The following GALNT17 variants were observed in gnomAD, a reference collection of about 807,000 sequenced individuals.
The protein encoded by GALNT17 is polypeptide N-acetylgalactosaminyltransferase 17, also known as UDP-GalNAc:polypeptide N-acetylgalactosaminyltransferase-like 3.
GALNT17 carries 29 observed loss-of-function variants against 63.7 expected under a neutral mutation model. The ratio of observed to expected loss-of-function variants is 0.46; its 90% CI spans 0.34 to 0.62. GALNT17 has a LOEUF of 0.62. Among genes scored for constraint, GALNT17 ranks in the 20% least tolerant of loss-of-function variants. The pLI is 0.01. For missense variants in GALNT17, 603 were observed against 799.6 expected (o/e 0.75, Z 2.97); for synonymous variants, 305 against 318.3 (o/e 0.96, Z 0.45).
intron 6 of GALNT17, among the ~76,000 whole-genome samples, chr7:71,612,176 G>C (rs570457076): frequency 6.6e-6 from 1 of 152,202 alleles, no homozygotes; most frequent in Non-Finnish European, 1.5e-5. Flanking sequence ...AAAGGAATTT[G>C]AGGTCACACT....
chr7:71,193,035 G>T (rs541625542), intron 1 of GALNT17, among the ~76,000 whole-genome samples: 5 of 152,034 alleles, frequency 3.3e-5, no homozygotes, highest in African/African-American at 1.2e-4. Flanking sequence ...GTCTTTGAGA[G>T]AATGCATCTT....
Position 71,592,563 on chromosome 7 carries a change from C to CATAGCATACTAAAATAAAATAAAATAAAA in GALNT17, c.1080+21161_1080+21162insATAGCATACTAAAATAAAATAAAATAAAA, listed in dbSNP as rs373112898. Among the ~76,000 whole-genome samples the CATAGCATACTAAAATAAAATAAAATAAAA allele has an allele frequency of 4.4e-3, 306 of 69,878 alleles. 11 individuals are homozygous for CATAGCATACTAAAATAAAATAAAATAAAA. The highest frequency in any genetic ancestry group is 0.034 in the Admixed American group (212 of 6,272). The allele number at this position is 69,878 out of a possible 152,430, so 45.8% of individuals were successfully genotyped here. On this transcript the variant is annotated intron_variant, in intron 6 of 10. Transcript: ENST00000333538. Reference sequence around the variant, plus strand: ...AAATAAAATAGCATAGCATAGCATACTAAAATAAAATAAAATAAAATAAAA... The same window carrying CATAGCATACTAAAATAAAATAAAATAAAA: ...AAATAAAATAGCATAGCATAGCATACATAGCATACTAAAATAAAATAAAATAAAATAAAATAAAATAAAATAAAATAAAA...
intron 5 of GALNT17, among the ~76,000 whole-genome samples, chr7:71,507,632 C>T (rs1184310983): frequency 6.6e-6 from 1 of 152,194 alleles, no homozygotes; most frequent in Non-Finnish European, 1.5e-5. Flanking sequence ...CGCCACTGGG[C>T]CCTGAGCCAA....
chr7:71,237,071 T>G (rs1283665644), intron 1 of GALNT17, among the ~76,000 whole-genome samples: 5 of 152,154 alleles, frequency 3.3e-5, no homozygotes, highest in East Asian at 3.9e-4. Context: ...CATTCTTTTT[T>G]GGGGGTCCAG....
At chr7:71,691,912 CTT>C (rs1165427854) in intron 9 of GALNT17, among the ~76,000 whole-genome samples, 1 of 151,208 alleles carries the variant, frequency 6.6e-6, no homozygotes, top group Non-Finnish European at 1.5e-5. Context: ...CTCTTTCTCT[CTT>C]TCTTTTTTTC....
At position 71,299,200 on chromosome 7, in the gene GALNT17, C is replaced by T. The variant is rs137979915; in HGVS notation, c.239-36350C>T. 1.2e-3 allele frequency among the ~76,000 whole-genome samples: 184 copies of T among 152,288 alleles called. 1 individual carries two copies. The East Asian group carries it at 0.025, about 21-fold the overall frequency. ...GTATGTGTGGGACCAGCTGGTGGCC[C>T]GCCTTGACCCCCGGTGCAATCAGTT... On this transcript the variant is annotated intron_variant, in intron 1 of 10. Coordinates refer to ENST00000333538, the MANE Select transcript of GALNT17 (RefSeq NM_022479.3).
At chr7:71,608,146 T>C (rs943419035) in intron 6 of GALNT17, among the ~76,000 whole-genome samples, 1 of 152,176 alleles carries the variant, frequency 6.6e-6, no homozygotes, top group African/African-American at 2.4e-5. Flanking sequence ...TAATACCTCT[T>C]TTTACTCTCA....
At chr7:71,557,290 C>A (rs1789181134) in intron 5 of GALNT17, among the ~76,000 whole-genome samples, 1 of 152,172 alleles carries the variant, frequency 6.6e-6, no homozygotes, top group South Asian at 2.1e-4. Flanking sequence ...ATGCAAAAAT[C>A]TCAATACTCT....
At chr7:71,671,314 A>G (rs186422414) in intron 8 of GALNT17, among the ~76,000 whole-genome samples, 4 of 152,330 alleles carry the variant, frequency 2.6e-5, no homozygotes, top group Admixed American at 1.3e-4. Flanking sequence ...TAGCTCTGCA[A>G]TCGGGTTTTC....
chr7:71,299,450 A>G (rs1791153623), intron 1 of GALNT17, among the ~76,000 whole-genome samples: 1 of 152,150 alleles, frequency 6.6e-6, no homozygotes, highest in Admixed American at 6.5e-5. Flanking sequence ...AGATAAGGAA[A>G]CCGAGGCTGA....
chr7:71,293,367 C>T (rs1440326906), intron 1 of GALNT17, among the ~76,000 whole-genome samples: 3 of 152,152 alleles, frequency 2.0e-5, no homozygotes, highest in Admixed American at 2.0e-4. Flanking sequence ...CCAACCCTTA[C>T]CTTGTCTTTT....
chr7:71,375,376 G>A (rs1563045504), intron 2 of GALNT17, among the ~76,000 whole-genome samples: 1 of 152,124 alleles, frequency 6.6e-6, no homozygotes, highest in African/African-American at 2.4e-5. Flanking sequence ...GCTCTGTAAA[G>A]GGCCAAAGAG....
intron 5 of GALNT17, among the ~76,000 whole-genome samples, chr7:71,466,700 CT>C (rs1288994500): frequency 1.3e-5 from 2 of 152,138 alleles, no homozygotes; most frequent in Admixed American, 1.3e-4. Flanking sequence ...CAGTCCTCAT[CT>C]TGACTCAAGC....
At chr7:71,163,648 C>A (rs764891681) in intron 1 of GALNT17, among the ~76,000 whole-genome samples, 1 of 151,996 alleles carries the variant, frequency 6.6e-6, no homozygotes, top group African/African-American at 2.4e-5. Flanking sequence ...TATTTGTTTG[C>A]GATGAAGAGA....
chr7:71,541,823 T>C (rs369796975), intron 5 of GALNT17, among the ~76,000 whole-genome samples: 1 of 152,182 alleles, frequency 6.6e-6, no homozygotes, highest in Non-Finnish European at 1.5e-5. Context: ...GACAACCTCA[T>C]TGTAAATATT....
intron 2 of GALNT17, among the ~76,000 whole-genome samples, chr7:71,360,501 C>T (rs1792377934): frequency 6.6e-6 from 1 of 152,138 alleles, no homozygotes; most frequent in African/African-American, 2.4e-5. Context: ...ATATACAAGC[C>T]ACGACAAACT....
At chr7:71,650,791 C>G (rs1053415972) in intron 6 of GALNT17, among the ~76,000 whole-genome samples, 17 of 152,148 alleles carry the variant, frequency 1.1e-4, no homozygotes, top group African/African-American at 4.1e-4. Context: ...TTCACCCTCC[C>G]TGCTCTGCCA....
At chr7:71,477,109 G>T (rs554147535) in intron 5 of GALNT17, among the ~76,000 whole-genome samples, 99 of 152,234 alleles carry the variant, frequency 6.5e-4, no homozygotes, top group Admixed American at 1.5e-3. Context: ...AAGTTTTAGT[G>T]ATACTACTAC....
chr7:71,272,267 T>C (rs764923710), intron 1 of GALNT17, among the ~76,000 whole-genome samples: 2 of 152,244 alleles, frequency 1.3e-5, no homozygotes, highest in African/African-American at 2.4e-5. Flanking sequence ...GGGGGAATCA[T>C]GAATAAATCT....
Sources: allele counts gnomAD v4.1 joint callset (sites outside exome capture counted in the v4.1 genomes callset), GRCh38; gene constraint gnomAD v4.1.1; transcripts MANE v1.5; gene names NCBI Gene and HGNC (gene_info 2026-07-23, HGNC 2026-07-21).